TTC39B: variants seen among roughly 807,000 people sequenced by gnomAD.
TTC39B encodes the protein tetratricopeptide repeat protein 39B.
A neutral mutation model predicts 96.6 loss-of-function variants in TTC39B; 92 were observed. The observed-to-expected ratio is 0.95, with a 90% CI of 0.80 to 1.13. TTC39B has a LOEUF of 1.13. TTC39B is among the 50% of genes most tolerant of loss of function. The pLI is 0.00. For synonymous variants in TTC39B, 367 were observed against 299.4 expected (o/e 1.23, Z -2.33); for missense variants, 955 against 809.3 (o/e 1.18, Z -2.18).
At chr9:15,225,074 T>A (rs1490319696) in intron 3 of TTC39B, among the ~76,000 whole-genome samples, 1 of 152,096 alleles carries the variant, frequency 6.6e-6, no homozygotes, top group African/African-American at 2.4e-5. Flanking sequence ...GCTGCCTTAA[T>A]AACTCATAAA....
At chr9:15,301,835 A>G (rs1400956278) in intron 1 of TTC39B, among the ~76,000 whole-genome samples, 1 of 152,194 alleles carries the variant, frequency 6.6e-6, no homozygotes, top group African/African-American at 2.4e-5. Flanking sequence ...TTCCAAAGAG[A>G]AATTAGCCAA....
intron 7 of TTC39B, among the ~76,000 whole-genome samples, chr9:15,200,537 G>A (rs1356371802): frequency 6.6e-6 from 1 of 152,158 alleles, no homozygotes; most frequent in African/African-American, 2.4e-5. Flanking sequence ...TAAAATTGAG[G>A]CTGTTGGCCT....
Position 15,297,998 on chromosome 9 carries a change from C to T in TTC39B, c.240+9086G>A, listed in dbSNP as rs947404206. Among the ~76,000 whole-genome samples the T allele has an allele frequency of 5.9e-5, 9 of 152,188 alleles. 1 individual carries two copies. The highest frequency in any genetic ancestry group is 2.2e-4 in the African/African-American group (9 of 41,536). On this transcript the variant is annotated intron_variant, in intron 1 of 19. Coordinates refer to ENST00000512701, the Ensembl canonical transcript of TTC39B. ...AGAGACTGGCATTTGAATCCATGAA[C>T]AGGGTAAGGAAGACCTACCCTCACC...
rs547268428 is a variant in TTC39B at position 15,242,653 on chromosome 9, C to G, written c.276-16641G>C. On this transcript the variant is annotated intron_variant, in intron 2 of 19. Coordinates refer to ENST00000512701, the Ensembl canonical transcript of TTC39B. The stretch of plus-strand genomic sequence containing the variant: ...AAGAAAGGAATATGAAAGCTCCATT[C>G]ACTAGAAAGATTTTGGTTCATCCTT... Among the ~76,000 whole-genome samples, 8 of 152,256 alleles carry G rather than the reference C, an allele frequency of 5.3e-5. No individual in the cohort carries two copies. In the South Asian group the frequency reaches 1.7e-3, roughly 32 times the overall value.
chr9:15,227,748 G>A lies in TTC39B; in HGVS notation c.276-1736C>T, dbSNP rs574368292. On this transcript the variant is annotated intron_variant, in intron 2 of 19. Transcript: ENST00000512701. Reference sequence around the variant, plus strand: ...TCTGTTCATTTACAGACTCATTTTCGAGGGCTAGAAACACACAGTCTCTGA... The same window carrying A: ...TCTGTTCATTTACAGACTCATTTTCAAGGGCTAGAAACACACAGTCTCTGA... 7.9e-5 allele frequency among the ~76,000 whole-genome samples: 12 copies of A among 152,180 alleles called. No homozygotes were observed. In the South Asian group the frequency reaches 2.1e-3, roughly 26 times the overall value.
At chr9:15,217,370 G>T (rs1214481013) in intron 3 of TTC39B, among the ~76,000 whole-genome samples, 1 of 152,072 alleles carries the variant, frequency 6.6e-6, no homozygotes, top group Non-Finnish European at 1.5e-5. Flanking sequence ...CATCTCAGCT[G>T]GCCACACTGT....
intron 1 of TTC39B, among the ~76,000 whole-genome samples, chr9:15,290,752 A>T (rs140959513): frequency 6.6e-6 from 1 of 152,178 alleles, no homozygotes; most frequent in African/African-American, 2.4e-5. Context: ...ACCTCACTGC[A>T]TATCTACCTC....
intron 1 of TTC39B, among the ~76,000 whole-genome samples, chr9:15,302,742 G>A (rs1011045821): frequency 2.6e-5 from 4 of 151,874 alleles, no homozygotes; most frequent in African/African-American, 9.7e-5. Flanking sequence ...TACTCGGGAG[G>A]CTGAGGCAGG....
At chr9:15,183,421 T>G in intron 16 of TTC39B, 1 of 375,712 alleles carries the variant, frequency 2.7e-6, no homozygotes, top group South Asian at 1.9e-5. Flanking sequence ...AGCTCATATC[T>G]GAGACTTTAT....
intron 2 of TTC39B, chr9:15,249,736 G>A (rs1264793399): frequency 2.5e-5 from 8 of 326,304 alleles, no homozygotes; most frequent in Middle Eastern, 2.6e-3. Flanking sequence ...GGGAAGCCAA[G>A]CAGGCTTGAC....
intron 17 of TTC39B, among the ~76,000 whole-genome samples, chr9:15,181,482 C>T (rs1240266414): frequency 6.6e-6 from 1 of 152,194 alleles, no homozygotes; most frequent in African/African-American, 2.4e-5. Flanking sequence ...CCTCCCACTT[C>T]ACGAGAAAAC....
intron 3 of TTC39B, among the ~76,000 whole-genome samples, chr9:15,223,049 T>G (rs1006554293): frequency 6.6e-6 from 1 of 152,234 alleles, no homozygotes; most frequent in Non-Finnish European, 1.5e-5. Context: ...TAAACAGATT[T>G]GAAGTGATGA....
chr9:15,307,208 G>C, exon 1 of TTC39B: 1 of 1,561,962 alleles, frequency 6.4e-7, no homozygotes. Context: ...GCTCAGCCCA[G>C]CGCAAAGGAG....
At chr9:15,176,512 A>C (rs1457263587) in intron 18 of TTC39B, among the ~76,000 whole-genome samples, 1 of 152,220 alleles carries the variant, frequency 6.6e-6, no homozygotes, top group East Asian at 1.9e-4. Flanking sequence ...TCAGGTGGCC[A>C]CGGATGGAAA....
chr9:15,258,811 A>T (rs12343461), intron 2 of TTC39B, among the ~76,000 whole-genome samples: 1 of 151,954 alleles, frequency 6.6e-6, no homozygotes, highest in African/African-American at 2.4e-5. Flanking sequence ...AAGATGAGAT[A>T]ATTGCACCAA....
intron 2 of TTC39B, among the ~76,000 whole-genome samples, chr9:15,245,571 G>A (rs760910636): frequency 3.3e-5 from 5 of 152,014 alleles, no homozygotes; most frequent in Admixed American, 6.6e-5. Flanking sequence ...CTATATATTG[G>A]GTCCTGGATT....
chr9:15,177,887 T>TG (rs1554762622), intron 17 of TTC39B, 73 bp from the exon 18 acceptor site: 1 of 847,246 alleles, frequency 1.2e-6, no homozygotes, highest in Non-Finnish European at 1.7e-6. Flanking sequence ...TTTTTTTTTT[T>TG]GAGACGGACT....
intron 1 of TTC39B, among the ~76,000 whole-genome samples, chr9:15,288,479 G>C (rs1420034385): frequency 6.6e-6 from 1 of 152,116 alleles, no homozygotes; most frequent in African/African-American, 2.4e-5. Flanking sequence ...GGGATGGTTG[G>C]AGAGGAGATT....
chr9:15,291,780 C>T (rs976139285), intron 1 of TTC39B, among the ~76,000 whole-genome samples: 1 of 152,180 alleles, frequency 6.6e-6, no homozygotes, highest in Non-Finnish European at 1.5e-5. Flanking sequence ...CCCTGACACA[C>T]CTGAATTTCA....
Sources: gnomAD v4.1 joint callset for allele counts (sites outside exome capture counted in the v4.1 genomes callset) on GRCh38, gnomAD v4.1.1 for gene constraint, MANE v1.5 for transcripts, NCBI Gene and HGNC (gene_info 2026-07-23, HGNC 2026-07-21) for gene names.